Variants in MINDY2 observed in about 807,000 individuals in gnomAD.
MINDY2 encodes ubiquitin carboxyl-terminal hydrolase MINDY-2.
In MINDY2, 52 loss-of-function variants were observed where a neutral mutation model predicts 68.2. The ratio of observed to expected loss-of-function variants is 0.76; its 90% CI spans 0.61 to 0.96. The LOEUF (loss-of-function observed/expected upper bound fraction) is 0.96, where lower values mean the gene tolerates loss of function less well. Ranked by LOEUF, MINDY2 falls within the 40% of genes least tolerant of loss-of-function variation. The pLI is 0.00. For synonymous variants in MINDY2, 372 were observed against 303.0 expected (o/e 1.23, Z -2.36); for missense variants, 881 against 773.4 (o/e 1.14, Z -1.65).
At chr15:58,823,226 C>T (rs1191729719) in intron 5 of MINDY2, among the ~76,000 whole-genome samples, 1 of 151,566 alleles carries the variant, frequency 6.6e-6, no homozygotes, top group Admixed American at 6.6e-5. Flanking sequence ...CAACCTCCGC[C>T]TCCCAGGATG....
Position 58,817,444 on chromosome 15 carries a change from C to T in MINDY2, c.1123-4273C>T, listed in dbSNP as rs547876237. Among the ~76,000 whole-genome samples the T allele has an allele frequency of 3.9e-5, 6 of 152,152 alleles. No individual in the cohort carries two copies. The East Asian group carries it at 5.8e-4, about 15-fold the overall frequency. On this transcript the variant is annotated intron_variant, in intron 4 of 8. Coordinates refer to ENST00000559228, the MANE Select transcript of MINDY2 (RefSeq NM_001040450.3). ...AACATTTAAAAGTCTGATGGTATTA[C>T]GTTGGGCGCAGTGGCTCACACCTGT...
At position 58,771,608 on chromosome 15, in the gene MINDY2, C is replaced by A. The variant is rs756929862; in HGVS notation, c.213C>A (p.Gly71=). The A allele has an allele frequency of 1.9e-6, 3 of 1,611,964 alleles. No individual in the cohort carries two copies. The highest frequency in any genetic ancestry group is 4.5e-5 in the East Asian group (2 of 44,850). The change falls in exon 1 of 9, where the codon GGC becomes GGA. Residue 71 remains glycine (G), a synonymous_variant. Coordinates refer to ENST00000559228, the MANE Select transcript of MINDY2 (RefSeq NM_001040450.3). ...RSLPDSASPA[G]SPEVPGPCSS... ...TCCCGGACTCGGCTTCTCCCGCGGG[C>A]TCTCCTGAGGTTCCCGGACCCTGCA...
At chr15:58,854,173 A>G (rs7164683) in intron 8 of MINDY2, among the ~76,000 whole-genome samples, 87,848 of 151,208 alleles carry the variant, frequency 0.58, 26,799 homozygotes, top group Middle Eastern at 0.74. Context: ...GAACCCAGGA[A>G]GTGGAGGTTG....
At chr15:58,791,685 A>C (rs1421018107) in intron 2 of MINDY2, among the ~76,000 whole-genome samples, 1 of 147,010 alleles carries the variant, frequency 6.8e-6, no homozygotes, top group Non-Finnish European at 1.5e-5. Flanking sequence ...TAATGTGACC[A>C]AGGAACTGAA....
intron 6 of MINDY2, among the ~76,000 whole-genome samples, chr15:58,846,503 G>T (rs1174463667): frequency 2.0e-5 from 3 of 150,742 alleles, no homozygotes; most frequent in African/African-American, 4.9e-5. Flanking sequence ...TGAGGCAGGA[G>T]AATCGCTTGA....
Position 58,844,506 on chromosome 15 carries a change from T to C in MINDY2, c.1369-2791T>C, listed in dbSNP as rs377400860. Among the ~76,000 whole-genome samples the C allele has an allele frequency of 1.1e-4, 15 of 141,976 alleles. No individual in the cohort carries two copies. In the East Asian group the frequency reaches 2.9e-3, roughly 28 times the overall value. 93.1% of individuals were successfully genotyped at this position (141,976 alleles called of 152,430 possible). A position where few individuals can be genotyped will look rare whatever the true frequency, so the allele number is the denominator to read the frequency against. On this transcript the variant is annotated intron_variant, in intron 6 of 8. Transcript: ENST00000559228. ...GGCGGAGGTTGCAGTGAGCCAAGAT[T>C]GTGCCACTGCACTCCAGTACTCCAG...
chr15:58,805,441 C>T (rs553920124), intron 3 of MINDY2, among the ~76,000 whole-genome samples: 3 of 152,224 alleles, frequency 2.0e-5, no homozygotes, highest in African/African-American at 7.2e-5. Flanking sequence ...CCAGTTTTGT[C>T]TAATAGTGTA....
Position 58,851,925 on chromosome 15 carries a change from AAGC to A in MINDY2, c.1704_1706del (p.Ala574del). 6.3e-7 allele frequency: 1 copy of A among 1,595,380 alleles called. No individual in the cohort carries two copies. Among genetic ancestry groups the A allele is most frequent in the Non-Finnish European group, 8.5e-7 (1 of 1,175,478 alleles). The stretch of plus-strand genomic sequence containing the variant: ...TCTCAATACTATCAGGAACAGGAAC[AAGC>A]AGCAGCTGCTGCTGCTGCTGCTTCT... On this transcript the variant is annotated inframe_deletion, in exon 8 of 9. Transcript: ENST00000559228.
chr15:58,854,367 A>G (rs1350295310), intron 8 of MINDY2, 115 bp from the exon 9 acceptor site: 1 of 1,158,360 alleles, frequency 8.6e-7, no homozygotes, highest in African/African-American at 1.5e-5. Context: ...GCCAATAGCT[A>G]GCTTCTTTTT....
At chr15:58,821,078 G>A (rs364439) in intron 4 of MINDY2, among the ~76,000 whole-genome samples, 2,432 of 151,500 alleles carry the variant, frequency 0.016, 56 homozygotes, top group African/African-American at 0.049. Flanking sequence ...TTTTCCTATA[G>A]CTTAAAAGTT....
At chr15:58,854,351 C>A in intron 8 of MINDY2, 131 bp from the exon 9 acceptor site, 1 of 917,798 alleles carries the variant, frequency 1.1e-6, no homozygotes, top group Non-Finnish European at 1.6e-6. Context: ...TATAACAAAT[C>A]TGTATGCCAA....
intron 3 of MINDY2, among the ~76,000 whole-genome samples, chr15:58,807,278 T>A (rs2140966966): frequency 6.6e-6 from 1 of 152,282 alleles, no homozygotes; most frequent in East Asian, 1.9e-4. Flanking sequence ...TTTTCTTTAT[T>A]CTTTCAAATG....
chr15:58,786,334 C>G (rs963581308), intron 1 of MINDY2, among the ~76,000 whole-genome samples: 1 of 152,214 alleles, frequency 6.6e-6, no homozygotes, highest in South Asian at 2.1e-4. Flanking sequence ...TACTATTCTT[C>G]TATCACTGAT....
intron 1 of MINDY2, among the ~76,000 whole-genome samples, chr15:58,778,815 T>C (rs2019744): frequency 0.15 from 22,247 of 144,356 alleles, 2,111 homozygotes; most frequent in Middle Eastern, 0.27. Context: ...TTTTTCTTTT[T>C]TTTTTTTTTT....
At chr15:58,808,871 T>C (rs1207925353) in intron 3 of MINDY2, among the ~76,000 whole-genome samples, 30 of 152,344 alleles carry the variant, frequency 2.0e-4, no homozygotes, top group Admixed American at 2.0e-3. Context: ...CCCAAAGTGC[T>C]GGGATTACAG....
At position 58,771,621 on chromosome 15, in the gene MINDY2, C is replaced by T. The variant is rs746960227; in HGVS notation, c.226C>T (p.Pro76Ser). 18 of 1,612,106 alleles carry T rather than the reference C, an allele frequency of 1.1e-5. No individual in the cohort carries two copies. The highest frequency in any genetic ancestry group is 1.3e-5 in the African/African-American group (1 of 74,898). The change falls in exon 1 of 9, where the codon CCC becomes TCC. Residue 76 changes from proline (P) to serine (S), a missense_variant. Physicochemically the swap from Pro to Ser is moderately conservative, Grantham distance 74. Coordinates refer to ENST00000559228, the MANE Select transcript of MINDY2 (RefSeq NM_001040450.3). ...TTCTCCCGCGGGCTCTCCTGAGGTTCCCGGACCCTGCAGCTCCTCCGCGGG... is the reference window on the plus strand; with the variant it reads ...TTCTCCCGCGGGCTCTCCTGAGGTTTCCGGACCCTGCAGCTCCTCCGCGGG... ...SASPAGSPEVPGPCSSSAGLD... is the reference protein window; with the variant it reads ...SASPAGSPEVSGPCSSSAGLD...
chr15:58,825,551 C>T (rs2031342789), intron 5 of MINDY2, among the ~76,000 whole-genome samples: 1 of 152,040 alleles, frequency 6.6e-6, no homozygotes. Context: ...ATTCCAGATG[C>T]TCTCAGGAAT....
At chr15:58,773,248 T>G (rs1316878666) in intron 1 of MINDY2, among the ~76,000 whole-genome samples, 2 of 152,118 alleles carry the variant, frequency 1.3e-5, no homozygotes, top group African/African-American at 4.8e-5. Flanking sequence ...CCCAGAAGTT[T>G]GAGACCAGCC....
chr15:58,846,133 G>A (rs979092014), intron 6 of MINDY2, among the ~76,000 whole-genome samples: 4 of 151,104 alleles, frequency 2.6e-5, no homozygotes, highest in Non-Finnish European at 4.4e-5. Context: ...TTGAGACCTA[G>A]CATTTGCTAA....
Sources: gnomAD v4.1 joint callset for allele counts (sites outside exome capture counted in the v4.1 genomes callset) on GRCh38, gnomAD v4.1.1 for gene constraint, MANE v1.5 for transcripts, NCBI Gene and HGNC (gene_info 2026-07-23, HGNC 2026-07-21) for gene names.